SMOC2: variants seen among roughly 807,000 people sequenced by gnomAD.
SMOC2 encodes SPARC related modular calcium binding 2.
Under a neutral mutation model 61.4 loss-of-function variants are expected in SMOC2, and 39 were observed. The ratio of observed to expected loss-of-function variants is 0.64; its 90% CI spans 0.49 to 0.83. The LOEUF is 0.83. Among genes scored for constraint, SMOC2 ranks in the 40% least tolerant of loss-of-function variants. SMOC2 has a pLI of 0.00. For missense variants in SMOC2, 556 were observed against 592.9 expected, an observed-to-expected ratio of 0.94 and a Z score of 0.65; for synonymous variants, 247 against 239.9, an observed-to-expected ratio of 1.03 and a Z score of -0.27.
intron 2 of SMOC2, among the ~76,000 whole-genome samples, chr6:168,518,884 A>G (rs914263134): frequency 7.1e-6 from 1 of 140,996 alleles, no homozygotes; most frequent in Non-Finnish European, 1.5e-5. Flanking sequence ...CATGTGTCTG[A>G]GCATGCGTGT....
chr6:168,560,004 T>C (rs942127240), intron 7 of SMOC2, among the ~76,000 whole-genome samples: 1 of 152,258 alleles, frequency 6.6e-6, no homozygotes, highest in African/African-American at 2.4e-5. Context: ...ATTTTATTCA[T>C]TCCCCAGGAA....
At chr6:168,599,026 C>T (rs201808574) in intron 8 of SMOC2, 22 bp downstream of exon 8, 3 of 1,552,798 alleles carry the variant, frequency 1.9e-6, no homozygotes, top group East Asian at 4.8e-5. Flanking sequence ...GCACCCACCC[C>T]CCCCGGGACC....
intron 7 of SMOC2, among the ~76,000 whole-genome samples, chr6:168,565,834 A>G (rs1168625996): frequency 6.6e-6 from 1 of 152,116 alleles, no homozygotes; most frequent in Non-Finnish European, 1.5e-5. Flanking sequence ...AATGCTTGTG[A>G]TGTCTAGTAA....
intron 7 of SMOC2, 22 bp downstream of exon 7, chr6:168,549,225 C>T: frequency 6.2e-7 from 1 of 1,605,948 alleles, no homozygotes; most frequent in Non-Finnish European, 8.5e-7. Flanking sequence ...CCTGATGTCA[C>T]TTTGTAAGGA....
intron 1 of SMOC2, among the ~76,000 whole-genome samples, chr6:168,450,794 C>G (rs138335692): frequency 6.6e-6 from 1 of 152,174 alleles, no homozygotes; most frequent in Non-Finnish European, 1.5e-5. Context: ...TAAACCCGAA[C>G]GTGACCTTGT....
chr6:168,512,865 C>T (rs12524584), intron 2 of SMOC2, among the ~76,000 whole-genome samples: 10,226 of 152,222 alleles, frequency 0.067, 497 homozygotes, highest in East Asian at 0.22. Context: ...TGTACCCGCA[C>T]ACTGAGGAGC....
At chr6:168,628,119 C>T (rs1396946226) in intron 9 of SMOC2, among the ~76,000 whole-genome samples, 1 of 152,210 alleles carries the variant, frequency 6.6e-6, no homozygotes. Context: ...CGCCTGTGGC[C>T]CCCTAGGTTT....
At chr6:168,503,461 G>A (rs951765544) in intron 1 of SMOC2, among the ~76,000 whole-genome samples, 1 of 152,160 alleles carries the variant, frequency 6.6e-6, no homozygotes. Flanking sequence ...CTGTGCTCCT[G>A]TGAGGCACCT....
In SMOC2 at chr6:168,615,203, G is replaced by A. The variant is rs1481414903; in HGVS notation, c.907+6964G>A. 3.8e-3 allele frequency among the ~76,000 whole-genome samples: 309 copies of A among 82,242 alleles called. 11 individuals are homozygous for A. Among genetic ancestry groups the A allele is most frequent in the African/African-American group, 0.015 (298 of 19,304 alleles). The allele number at this position is 82,242 out of a possible 152,430, so 54.0% of individuals were successfully genotyped here. ...TCTTCACACCTACAGCCAGCACAGG[G>A]CCTCTTTATACCTACAGCCAGCACG... On this transcript the variant is annotated intron_variant, in intron 9 of 12. Transcript: ENST00000356284.
At chr6:168,603,497 C>T (rs564904557) in intron 8 of SMOC2, among the ~76,000 whole-genome samples, 1 of 152,122 alleles carries the variant, frequency 6.6e-6, no homozygotes, top group East Asian at 1.9e-4. Context: ...AAAACACTCA[C>T]ATTTATTCAT....
intron 1 of SMOC2, among the ~76,000 whole-genome samples, chr6:168,458,373 C>T (rs1177000151): frequency 2.7e-5 from 4 of 150,454 alleles, no homozygotes; most frequent in Admixed American, 6.6e-5. Context: ...CACCCTGCCC[C>T]TCTGGGGGCA....
intron 5 of SMOC2, among the ~76,000 whole-genome samples, chr6:168,545,113 G>A (rs78529639): frequency 0.025 from 3,814 of 152,236 alleles, 83 homozygotes; most frequent in African/African-American, 0.055. Context: ...GTGTGGGTAT[G>A]TCGACATTTG....
At chr6:168,632,603 C>T (rs1786598819) in intron 9 of SMOC2, among the ~76,000 whole-genome samples, 1 of 152,210 alleles carries the variant, frequency 6.6e-6, no homozygotes, top group Admixed American at 6.5e-5. Context: ...TAGATGTTGG[C>T]TCAATGTTGC....
At chr6:168,479,384 G>A (rs1280227734) in intron 1 of SMOC2, among the ~76,000 whole-genome samples, 4 of 152,234 alleles carry the variant, frequency 2.6e-5, no homozygotes, top group Non-Finnish European at 5.9e-5. Context: ...AGCATAAAGG[G>A]AATTAAGAAA....
chr6:168,454,796 T>C (rs560386291), intron 1 of SMOC2, among the ~76,000 whole-genome samples: 2 of 152,368 alleles, frequency 1.3e-5, no homozygotes, highest in South Asian at 4.2e-4. Flanking sequence ...ATCCTGAAGC[T>C]ACACCTGTAC....
At chr6:168,461,951 A>T (rs910798030) in intron 1 of SMOC2, among the ~76,000 whole-genome samples, 3 of 152,240 alleles carry the variant, frequency 2.0e-5, no homozygotes, top group Non-Finnish European at 4.4e-5. Context: ...TTAGTGTCTT[A>T]GCCCGTCTGA....
chr6:168,643,099 C>T (rs1250098336), intron 9 of SMOC2, among the ~76,000 whole-genome samples: 1 of 152,158 alleles, frequency 6.6e-6, no homozygotes, highest in African/African-American at 2.4e-5. Flanking sequence ...TCCATGGTTT[C>T]TTCTGAACGT....
chr6:168,609,648 G>C (rs1785802579), intron 9 of SMOC2, among the ~76,000 whole-genome samples: 1 of 152,106 alleles, frequency 6.6e-6, no homozygotes, highest in Non-Finnish European at 1.5e-5. Context: ...TTTAATATTG[G>C]TGGGCAAGAT....
intron 7 of SMOC2, among the ~76,000 whole-genome samples, chr6:168,594,081 G>A (rs1194508385): frequency 3.2e-5 from 2 of 62,770 alleles, no homozygotes; most frequent in East Asian, 4.9e-4. Context: ...GAGGATCGCC[G>A]AGCTCCTCCT....
Sources: allele counts gnomAD v4.1 joint callset (sites outside exome capture counted in the v4.1 genomes callset), GRCh38; gene constraint gnomAD v4.1.1; transcripts MANE v1.5; gene names NCBI Gene and HGNC (gene_info 2026-07-23, HGNC 2026-07-21).